Variants in MMP26 observed in about 807,000 individuals in gnomAD.
MMP26 encodes matrix metalloproteinase-26.
Under a neutral mutation model 31.0 loss-of-function variants are expected in MMP26, and 33 were observed. The ratio of observed to expected loss-of-function variants is 1.06; its 90% CI spans 0.81 to 1.42. MMP26 has a LOEUF of 1.42. Ranked by LOEUF, MMP26 falls within the 40% of genes most tolerant of loss-of-function variation. The probability of loss-of-function intolerance (pLI) is 0.00; values close to 1 mark genes in which losing one functional copy is unlikely to be tolerated. For missense variants in MMP26, 347 were observed against 316.1 expected (o/e 1.10, Z -0.74); for synonymous variants, 122 against 114.9 (o/e 1.06, Z -0.40).
intron 1 of MMP26, among the ~76,000 whole-genome samples, chr11:4,721,642 G>A (rs1020396689): frequency 6.6e-6 from 1 of 152,078 alleles, no homozygotes; most frequent in Non-Finnish European, 1.5e-5. Flanking sequence ...CTATTTTTAG[G>A]TGATATATTT....
At chr11:4,811,786 C>A (rs1330254161) in intron 2 of MMP26, among the ~76,000 whole-genome samples, 1 of 152,076 alleles carries the variant, frequency 6.6e-6, no homozygotes. Flanking sequence ...CAGGCATGAC[C>A]CGGGCTCTTG....
intron 2 of MMP26, among the ~76,000 whole-genome samples, chr11:4,859,379 G>T (rs1850108303): frequency 6.6e-6 from 1 of 152,146 alleles, no homozygotes; most frequent in African/African-American, 2.4e-5. Context: ...AGAAAAGTGT[G>T]AAGCTACTTA....
chr11:4,718,381 A>G (rs1453586418), intron 1 of MMP26, among the ~76,000 whole-genome samples: 3 of 152,190 alleles, frequency 2.0e-5, no homozygotes, highest in Non-Finnish European at 4.4e-5. Flanking sequence ...GTTTTTGTGC[A>G]AATTCTGTAT....
intron 2 of MMP26, among the ~76,000 whole-genome samples, chr11:4,931,143 A>G (rs892951691): frequency 1.3e-5 from 2 of 152,114 alleles, no homozygotes; most frequent in African/African-American, 2.4e-5. Flanking sequence ...AATGTTCGAT[A>G]TCAGGAATTC....
intron 2 of MMP26, among the ~76,000 whole-genome samples, chr11:4,844,767 G>C (rs930636950): frequency 3.3e-5 from 5 of 152,044 alleles, no homozygotes; most frequent in African/African-American, 7.2e-5. Flanking sequence ...TCTCAAAATA[G>C]TAAAAGCCAG....
rs1290468775 is a variant in MMP26 at position 4,723,330 on chromosome 11, C to T, written c.-217+18285C>T. The T allele has an allele frequency of 1.3e-4, 124 of 976,756 alleles. No homozygotes were observed. In the South Asian group the frequency reaches 1.4e-3, roughly 11 times the overall value. The allele number at this position is 976,756 out of a possible 1,614,324, so 60.5% of individuals were successfully genotyped here. On this transcript the variant is annotated intron_variant, in intron 1 of 7. Transcript: ENST00000380390. ...CAGCCAGCATCTGCAGCTCCTCATACTTGATCTGGTGCATGCTCTCAGCCT... is the reference window on the plus strand; with the variant it reads ...CAGCCAGCATCTGCAGCTCCTCATATTTGATCTGGTGCATGCTCTCAGCCT...
intron 2 of MMP26, chr11:4,923,409 A>T (rs1342797081): frequency 6.3e-7 from 1 of 1,575,814 alleles, no homozygotes; most frequent in African/African-American, 1.4e-5. Flanking sequence ...GACTTTATAA[A>T]CTGAAACTTC....
intron 1 of MMP26, among the ~76,000 whole-genome samples, chr11:4,734,790 C>T (rs867877695): frequency 2.0e-5 from 3 of 151,860 alleles, no homozygotes; most frequent in Non-Finnish European, 4.4e-5. Flanking sequence ...AGAATAGCAT[C>T]GCATAGCATA....
rs1160800283 is a variant in MMP26, at chr11:4,859,960, A to T, written c.-145+92619A>T. The T allele has an allele frequency of 1.9e-5, 9 of 471,012 alleles. 1 individual carries two copies. The Admixed American group carries it at 2.1e-4, about 11-fold the overall frequency. 29.2% of individuals were successfully genotyped at this position (471,012 alleles called of 1,614,324 possible). A position where few individuals can be genotyped will look rare whatever the true frequency, so the allele number is the denominator to read the frequency against. On this transcript the variant is annotated intron_variant, in intron 2 of 7. Transcript: ENST00000380390. ...CCCCAGTGTGAAGATGACGACGATG[A>T]GGCCGTAGAGGCTGTTGATGCGGGT... is the stretch of plus-strand genomic sequence containing the variant.
Position 4,882,308 on chromosome 11 carries a change from A to G in MMP26, c.-144-105760A>G, listed in dbSNP as rs564418770. ...CTGTAACCCACTGAACTATGCTACT[A>G]TCCTCACAGACAGGATGGTCCTGGT... On this transcript the variant is annotated intron_variant, in intron 2 of 7. Coordinates refer to ENST00000380390, the MANE Select transcript of MMP26 (RefSeq NM_021801.5). 68 of 1,613,884 alleles carry G rather than the reference A, an allele frequency of 4.2e-5. 1 individual carries two copies. In the South Asian group the frequency reaches 6.8e-4, roughly 16 times the overall value.
At chr11:4,723,467 A>T in intron 1 of MMP26, 2 of 1,085,362 alleles carry the variant, frequency 1.8e-6, no homozygotes, top group Non-Finnish European at 2.8e-6. Flanking sequence ...GATGTGTCCG[A>T]AATCTGGGAC....
intron 1 of MMP26, chr11:4,710,465 G>T (rs1018950196): frequency 1.3e-5 from 6 of 448,382 alleles, no homozygotes; most frequent in Non-Finnish European, 2.7e-5. Context: ...TAAAGACCAA[G>T]TAAATTCGCA....
intron 2 of MMP26, among the ~76,000 whole-genome samples, chr11:4,934,307 A>C (rs1275818949): frequency 0.013 from 1,876 of 145,792 alleles, 42 homozygotes; most frequent in African/African-American, 0.047. Context: ...TTTTGATTTG[A>C]ATTTCTCTGA....
intron 2 of MMP26, chr11:4,944,783 T>A (rs1218513370): frequency 6.6e-6 from 1 of 152,142 alleles, no homozygotes; most frequent in Non-Finnish European, 1.5e-5. Context: ...ATATCTTTTT[T>A]TTTTCCTGTT....
intron 2 of MMP26, among the ~76,000 whole-genome samples, chr11:4,865,534 A>G (rs1034294233): frequency 1.3e-5 from 2 of 152,112 alleles, no homozygotes; most frequent in Non-Finnish European, 2.9e-5. Flanking sequence ...GAAAACCTTT[A>G]CAACTTCAGG....
chr11:4,838,567 C>G (rs373306600), intron 2 of MMP26, among the ~76,000 whole-genome samples: 73 of 152,038 alleles, frequency 4.8e-4, no homozygotes, highest in African/African-American at 1.6e-3. Flanking sequence ...CTAATACTCA[C>G]TCGTAGAAAA....
chr11:4,930,727 G>A (rs928908960), intron 2 of MMP26, among the ~76,000 whole-genome samples: 1 of 151,952 alleles, frequency 6.6e-6, no homozygotes, highest in Non-Finnish European at 1.5e-5. Flanking sequence ...TACTATACTT[G>A]CACAGGGATC....
At chr11:4,853,952 CG>C (rs2133502695) in intron 2 of MMP26, among the ~76,000 whole-genome samples, 1 of 152,202 alleles carries the variant, frequency 6.6e-6, no homozygotes, top group South Asian at 2.1e-4. Flanking sequence ...GGAATTTATG[CG>C]TAAGTGCAGA....
At chr11:4,882,699 T>C (rs778687125) in intron 2 of MMP26, 1 of 1,613,980 alleles carries the variant, frequency 6.2e-7, no homozygotes, top group Non-Finnish European at 8.5e-7. Context: ...CACCGCCTCT[T>C]CCACTCCACC....
Sources: gnomAD v4.1 joint callset for allele counts (sites outside exome capture counted in the v4.1 genomes callset) on GRCh38, gnomAD v4.1.1 for gene constraint, MANE v1.5 for transcripts, NCBI Gene and HGNC (gene_info 2026-07-23, HGNC 2026-07-21) for gene names.